CACNA1E: variants seen among roughly 807,000 people sequenced by gnomAD.
The protein encoded by CACNA1E is voltage-dependent R-type calcium channel subunit alpha-1E.
In CACNA1E, 40 loss-of-function variants were observed where a neutral mutation model predicts 259.2. That is an observed-to-expected ratio of 0.15 (90% CI 0.12 to 0.20). The LOEUF (loss-of-function observed/expected upper bound fraction) is 0.20. CACNA1E is among the 10% of genes least tolerant of loss of function. CACNA1E has a pLI of 1.00. For synonymous variants in CACNA1E, 1,104 were observed against 1,138.5 expected (o/e 0.97, Z 0.61); for missense variants, 1,874 against 3,040.1 (o/e 0.62, Z 9.02).
intron 1 of CACNA1E, among the ~76,000 whole-genome samples, chr1:181,369,786 G>A (rs1269571867): frequency 3.3e-5 from 5 of 152,154 alleles, no homozygotes; most frequent in Admixed American, 2.6e-4. Context: ...TAGGAAATTC[G>A]ACTTTGTCTT....
chr1:181,440,510 A>C (rs190483430), intron 2 of CACNA1E, among the ~76,000 whole-genome samples: 7 of 152,178 alleles, frequency 4.6e-5, no homozygotes, highest in African/African-American at 1.7e-4. Context: ...AACTCCCCCA[A>C]ATTTGGGGGA....
chr1:181,455,402 C>T (rs1661396898), intron 2 of CACNA1E, among the ~76,000 whole-genome samples: 1 of 152,132 alleles, frequency 6.6e-6, no homozygotes, highest in Non-Finnish European at 1.5e-5. Flanking sequence ...GGGAGGCTTC[C>T]TCTTGAGAGG....
intron 2 of CACNA1E, among the ~76,000 whole-genome samples, chr1:181,434,037 G>A (rs1659909076): frequency 6.6e-6 from 1 of 152,190 alleles, no homozygotes; most frequent in African/African-American, 2.4e-5. Context: ...GTCTAGGTGA[G>A]GCTTCCTGGT....
intron 1 of CACNA1E, among the ~76,000 whole-genome samples, chr1:181,390,418 G>A (rs1314430355): frequency 2.0e-5 from 3 of 152,116 alleles, no homozygotes; most frequent in Non-Finnish European, 4.4e-5. Context: ...GGTCATGACA[G>A]CTTGATTCAG....
At chr1:181,780,078 A>G (rs1660294908) in intron 38 of CACNA1E, among the ~76,000 whole-genome samples, 1 of 152,170 alleles carries the variant, frequency 6.6e-6, no homozygotes, top group Non-Finnish European at 1.5e-5. Flanking sequence ...TATGAAAGCT[A>G]TAGGACAGAA....
chr1:181,589,069 C>A (rs1652374967), intron 6 of CACNA1E, among the ~76,000 whole-genome samples: 4 of 152,224 alleles, frequency 2.6e-5, no homozygotes, highest in Admixed American at 2.6e-4. Flanking sequence ...ATCTTGGAAT[C>A]ATCCAGGGGT....
chr1:181,583,137 C>CACAT (rs1651714266), intron 6 of CACNA1E, among the ~76,000 whole-genome samples: 1 of 128,448 alleles, frequency 7.8e-6, no homozygotes, highest in African/African-American at 2.9e-5. Context: ...CACACACACA[C>CACAT]ACACACACTT....
At chr1:181,337,760 C>T (rs182967568) in intron 1 of CACNA1E, among the ~76,000 whole-genome samples, 36 of 152,294 alleles carry the variant, frequency 2.4e-4, no homozygotes, top group African/African-American at 7.7e-4. Flanking sequence ...ACTCATCCAT[C>T]GGTAGACACT....
chr1:181,518,073 G>GA (rs1376667074), intron 3 of CACNA1E, among the ~76,000 whole-genome samples: 1 of 152,146 alleles, frequency 6.6e-6, no homozygotes, highest in African/African-American at 2.4e-5. Flanking sequence ...TGCAGATGGG[G>GA]AGCAAGGGCA....
At chr1:181,782,738 C>T (rs549840560) in intron 39 of CACNA1E, among the ~76,000 whole-genome samples, 1 of 152,258 alleles carries the variant, frequency 6.6e-6, no homozygotes, top group African/African-American at 2.4e-5. Flanking sequence ...ACCCTCATTC[C>T]CCCCAGTACA....
intron 46 of CACNA1E, among the ~76,000 whole-genome samples, chr1:181,795,520 AAG>A (rs1661713938): frequency 6.8e-6 from 1 of 147,976 alleles, no homozygotes. Context: ...GGCTCACTGC[AAG>A]CTCTGCCTCC....
chr1:181,781,577 AGTT>A (rs1660434626), intron 39 of CACNA1E, 54 bp downstream of exon 39: 1 of 923,262 alleles, frequency 1.1e-6, no homozygotes, highest in African/African-American at 1.6e-5. Context: ...AATGGGATCT[AGTT>A]GTGGGGAGGC....
At chr1:181,586,139 G>A (rs955003239) in intron 6 of CACNA1E, among the ~76,000 whole-genome samples, 4 of 152,182 alleles carry the variant, frequency 2.6e-5, no homozygotes, top group Non-Finnish European at 5.9e-5. Context: ...GAGCTCATGG[G>A]ATTCTTCGAT....
chr1:181,490,747 G>A (rs1436020874), intron 1 of CACNA1E, among the ~76,000 whole-genome samples: 2 of 152,176 alleles, frequency 1.3e-5, no homozygotes, highest in East Asian at 1.9e-4. Context: ...CCAAAGACTT[G>A]TGTCATTAAA....
intron 21 of CACNA1E, among the ~76,000 whole-genome samples, chr1:181,734,463 T>C (rs1388700496): frequency 4.5e-5 from 6 of 134,272 alleles, no homozygotes; most frequent in South Asian, 2.7e-4. Context: ...CCTGACCCCA[T>C]ACCCCATCCC....
intron 2 of CACNA1E, among the ~76,000 whole-genome samples, chr1:181,471,748 G>GT (rs1007674749): frequency 6.6e-6 from 1 of 152,060 alleles, no homozygotes; most frequent in African/African-American, 2.4e-5. Context: ...AAATAAGTTT[G>GT]TTTTTTTACA....
At chr1:181,524,941 TATATA>T (rs1465363665) in intron 3 of CACNA1E, among the ~76,000 whole-genome samples, 1 of 152,218 alleles carries the variant, frequency 6.6e-6, no homozygotes, top group Non-Finnish European at 1.5e-5. Flanking sequence ...GCATAGGAGA[TATATA>T]ATAAATGTTT....
intron 1 of CACNA1E, among the ~76,000 whole-genome samples, chr1:181,497,492 A>G (rs1475820792): frequency 6.6e-6 from 1 of 152,206 alleles, no homozygotes; most frequent in Non-Finnish European, 1.5e-5. Flanking sequence ...GTTCCTCAAT[A>G]TGCATCCCTG....
chr1:181,362,410 C>T (rs1196170128), intron 1 of CACNA1E, among the ~76,000 whole-genome samples: 4 of 152,202 alleles, frequency 2.6e-5, no homozygotes, highest in African/African-American at 4.8e-5. Context: ...CTGTTTCCCA[C>T]GTGGATACAG....
Sources: allele counts gnomAD v4.1 joint callset (sites outside exome capture counted in the v4.1 genomes callset), GRCh38; gene constraint gnomAD v4.1.1; transcripts MANE v1.5; gene names NCBI Gene and HGNC (gene_info 2026-07-23, HGNC 2026-07-21).